Variants in TET2 observed in about 807,000 individuals in gnomAD.
TET2 encodes methylcytosine dioxygenase TET2.
Under a neutral mutation model 142.9 loss-of-function variants are expected in TET2, and 299 were observed. That is an observed-to-expected ratio of 2.09 (90% CI 1.90 to 2.30). The LOEUF (loss-of-function observed/expected upper bound fraction) is 2.30. Among genes scored for constraint, TET2 ranks in the 30% most tolerant of loss-of-function variants. The pLI is 0.00. For missense variants in TET2, 2,418 were observed against 2,378.0 expected (o/e 1.02, Z -0.35); for synonymous variants, 819 against 849.0 (o/e 0.96, Z 0.61).
In TET2 at chr4:105,278,727, G is replaced by GA. The variant is rs755721467; in HGVS notation, c.*2217dup. 1.0e-4 allele frequency: 23 copies of GA among 230,480 alleles called. No homozygotes were observed. Among genetic ancestry groups the GA allele is most frequent in the East Asian group, 2.5e-4 (4 of 16,316 alleles). 14.3% of individuals were successfully genotyped at this position (230,480 alleles called of 1,614,324 possible). The stretch of plus-strand genomic sequence containing the variant: ...GGAATCTTTTGACTGTTTCAAGCAG[G>GA]AAAAAAAAATTACATGAAAATAGAA... On this transcript the variant is annotated 3_prime_UTR_variant, in exon 11 of 11. Coordinates refer to ENST00000380013, the MANE Select transcript of TET2 (RefSeq NM_001127208.3).
rs1348090180 is a variant in TET2, at chr4:105,201,903, G to A, written c.-47+11398G>A. 2.0e-5 allele frequency among the ~76,000 whole-genome samples: 3 copies of A among 151,556 alleles called. No homozygotes were observed. In the East Asian group the frequency reaches 5.8e-4, roughly 29 times the overall value. On this transcript the variant is annotated intron_variant, in intron 2 of 10. Coordinates refer to ENST00000380013, the MANE Select transcript of TET2 (RefSeq NM_001127208.3). The stretch of plus-strand genomic sequence containing the variant: ...ACCACAGGGGCATGCCACCACCCCT[G>A]GCTAATTTTTTGTATTTTTTGTAGA...
chr4:105,222,201 A>G (rs1273649725), intron 2 of TET2, among the ~76,000 whole-genome samples: 2 of 152,226 alleles, frequency 1.3e-5, no homozygotes, highest in African/African-American at 4.8e-5. Context: ...TTATAGCAGC[A>G]TGATTTATAG....
At chr4:105,166,422 A>AT (rs1001307495) in intron 1 of TET2, among the ~76,000 whole-genome samples, 9 of 151,704 alleles carry the variant, frequency 5.9e-5, no homozygotes, top group African/African-American at 1.9e-4. Flanking sequence ...TCATATCACA[A>AT]TTTTTTTTCA....
intron 2 of TET2, among the ~76,000 whole-genome samples, chr4:105,223,615 G>T (rs897446240): frequency 6.6e-6 from 1 of 152,148 alleles, no homozygotes; most frequent in Non-Finnish European, 1.5e-5. Flanking sequence ...GAAGTCCATA[G>T]CATTGCACAC....
intron 6 of TET2, among the ~76,000 whole-genome samples, chr4:105,253,963 G>A (rs985085235): frequency 1.3e-5 from 2 of 152,056 alleles, no homozygotes; most frequent in African/African-American, 4.8e-5. Context: ...TAACGAAATG[G>A]ATTACATTAA....
intron 2 of TET2, among the ~76,000 whole-genome samples, chr4:105,209,127 C>G (rs1727013561): frequency 7.9e-6 from 1 of 125,918 alleles, no homozygotes; most frequent in Non-Finnish European, 1.7e-5. Context: ...TCTAGCAAAA[C>G]TGAATACACT....
At chr4:105,193,933 T>G (rs1725930403) in intron 2 of TET2, among the ~76,000 whole-genome samples, 1 of 152,158 alleles carries the variant, frequency 6.6e-6, no homozygotes, top group African/African-American at 2.4e-5. Context: ...ATTTTTATAA[T>G]AAGTTGGAGA....
At position 105,236,879 on chromosome 4, in the gene TET2, G is replaced by A. The variant is rs1347380216; in HGVS notation, c.2937G>A (p.Arg979=). ...AGTCTTGCCATAGTCAGATGCACAG[G>A]CCAATTAAGGTGGAACCTGGATGCA... ...QTESCHSQMH[R]PIKVEPGCKP... Residue 979 remains arginine (R), a synonymous_variant, in exon 3 of 11, where the codon AGG becomes AGA. Transcript: ENST00000380013. 5.6e-6 allele frequency: 9 copies of A among 1,613,984 alleles called. No homozygotes were observed. The highest frequency in any genetic ancestry group is 1.6e-4 in the Middle Eastern group (1 of 6,084).
At chr4:105,232,951 G>GC (rs1394245346) in intron 2 of TET2, among the ~76,000 whole-genome samples, 1 of 152,168 alleles carries the variant, frequency 6.6e-6, no homozygotes, top group East Asian at 1.9e-4. Context: ...TGAGAACCAT[G>GC]CAGGCAAGTT....
chr4:105,241,374 AC>A lies in TET2; in HGVS notation c.3448del (p.His1150IlefsTer2). 6.5e-7 allele frequency: 1 copy of A among 1,549,214 alleles called. No homozygotes were observed. The highest frequency in any genetic ancestry group is 8.7e-7 in the Non-Finnish European group (1 of 1,146,236). ...TGAAAAAGATGAAGGTCCTTTTTAT[AC>A]CCATCTAGGAGCAGGTCCTAATGTG... ...IIEKDEGPFY[T>X]HLGAGPNVAA... On this transcript the variant is annotated frameshift_variant, in exon 4 of 11. Coordinates refer to ENST00000380013, the MANE Select transcript of TET2 (RefSeq NM_001127208.3). LOFTEE classifies it high-confidence loss of function.
intron 2 of TET2, among the ~76,000 whole-genome samples, chr4:105,198,639 A>G (rs1056934849): frequency 7.2e-5 from 11 of 152,234 alleles, no homozygotes; most frequent in Non-Finnish European, 1.5e-5. Context: ...AATGTTTACA[A>G]AATTGCTATT....
chr4:105,179,145 T>C (rs1297566442), intron 1 of TET2, among the ~76,000 whole-genome samples: 2 of 152,174 alleles, frequency 1.3e-5, no homozygotes, highest in Admixed American at 1.3e-4. Flanking sequence ...ATGGGTATTA[T>C]GGAGATTATG....
chr4:105,161,341 A>G (rs563949172), intron 1 of TET2, among the ~76,000 whole-genome samples: 1 of 152,326 alleles, frequency 6.6e-6, no homozygotes, highest in South Asian at 2.1e-4. Context: ...TACATTTCTG[A>G]TACACTGAAT....
chr4:105,241,745 C>T, intron 4 of TET2: 1 of 1,253,640 alleles, frequency 8.0e-7, no homozygotes, highest in Non-Finnish European at 1.0e-6. Context: ...CGAGAGGTCC[C>T]ACTCTGGCTT....
chr4:105,212,934 G>C (rs949449925), intron 2 of TET2, among the ~76,000 whole-genome samples: 1 of 152,112 alleles, frequency 6.6e-6, no homozygotes, highest in South Asian at 2.1e-4. Flanking sequence ...AGGTTGCAGT[G>C]AGCTGAGATT....
chr4:105,257,804 A>G (rs1489361057), intron 6 of TET2, among the ~76,000 whole-genome samples: 1 of 152,180 alleles, frequency 6.6e-6, no homozygotes, highest in Non-Finnish European at 1.5e-5. Flanking sequence ...AGTCAGTGAC[A>G]ATATTCAACA....
At chr4:105,158,318 G>A (rs753924326) in intron 1 of TET2, among the ~76,000 whole-genome samples, 6 of 152,048 alleles carry the variant, frequency 3.9e-5, no homozygotes, top group Non-Finnish European at 7.4e-5. Flanking sequence ...ATATTTAGGG[G>A]TTAAAAACTT....
Position 105,239,074 on chromosome 4 carries a change from G to A in TET2, c.3409+1723G>A, listed in dbSNP as rs868610128. ...AAAGGAGGTTTTGGTTTTGTTTTTT[G>A]TTTTTTTTTTTTGTTTTTTAGCAGT... On this transcript the variant is annotated intron_variant, in intron 3 of 10. Coordinates refer to ENST00000380013, the MANE Select transcript of TET2 (RefSeq NM_001127208.3). The A allele has an allele frequency of 3.8e-5, 8 of 211,938 alleles. No individual in the cohort carries two copies. The East Asian group carries it at 5.9e-4, about 16-fold the overall frequency. 13.1% of individuals were successfully genotyped at this position (211,938 alleles called of 1,614,324 possible). A position where few individuals can be genotyped will look rare whatever the true frequency, so the allele number is the denominator to read the frequency against.
In TET2 at chr4:105,220,350, A is replaced by G. The variant is rs562574378; in HGVS notation, c.-46-13547A>G. Among the ~76,000 whole-genome samples, 8 of 152,228 alleles carry G rather than the reference A, an allele frequency of 5.3e-5. No homozygotes were observed. In the South Asian group the frequency reaches 1.7e-3, roughly 32 times the overall value. ...CCATTCAGCCATTAATGTCTTCTTG[A>G]CCAGGTAACATAATTTTTACAGCAC... On this transcript the variant is annotated intron_variant, in intron 2 of 10. Transcript: ENST00000380013.
Sources: allele counts gnomAD v4.1 joint callset (sites outside exome capture counted in the v4.1 genomes callset), GRCh38; gene constraint gnomAD v4.1.1; transcripts MANE v1.5; gene names NCBI Gene and HGNC (gene_info 2026-07-23, HGNC 2026-07-21).